ARHGEF10L: variants seen among roughly 807,000 people sequenced by gnomAD.
The protein encoded by ARHGEF10L is rho guanine nucleotide exchange factor 10-like protein.
ARHGEF10L carries 69 observed loss-of-function variants against 141.2 expected under a neutral mutation model. The ratio of observed to expected loss-of-function variants is 0.49; its 90% CI spans 0.40 to 0.60. The LOEUF is 0.60. Among genes scored for constraint, ARHGEF10L ranks in the 20% least tolerant of loss-of-function variants. ARHGEF10L has a pLI of 0.00. For synonymous variants in ARHGEF10L, 711 were observed against 718.5 expected, an observed-to-expected ratio of 0.99 and a Z score of 0.17; for missense variants, 1,482 against 1,734.3, an observed-to-expected ratio of 0.85 and a Z score of 2.58.
intron 18 of ARHGEF10L, among the ~76,000 whole-genome samples, chr1:17,636,614 G>T (rs2061017205): frequency 1.3e-5 from 2 of 152,016 alleles, no homozygotes; most frequent in Admixed American, 1.3e-4. Context: ...CCCCAGTTTG[G>T]GTCACTGCAG....
At chr1:17,525,755 C>A in the ARHGEF10L span, among the ~76,000 whole-genome samples, 1 of 151,856 alleles carries the variant, frequency 6.6e-6, no homozygotes, top group African/African-American at 2.4e-5. Flanking sequence ...GTAATCCCAG[C>A]ACTTTGGGGG....
In ARHGEF10L at chr1:17,587,490, C is replaced by T. The variant is rs111491402; in HGVS notation, c.68C>T (p.Pro23Leu). The T allele has an allele frequency of 1.2e-5, 20 of 1,614,078 alleles. 1 individual carries two copies. The highest frequency in any genetic ancestry group is 1.6e-4 in the Middle Eastern group (1 of 6,062). The change falls in exon 3 of 29, where the codon CCC becomes CTC. Residue 23 changes from proline (P) to leucine (L), a missense_variant. Physicochemically the swap from Pro to Leu is moderately conservative, Grantham distance 98 (BLOSUM62 -3). Coordinates refer to ENST00000361221, the MANE Select transcript of ARHGEF10L (RefSeq NM_018125.4). ...GDQLVPGVPG[P>L]SSEAEDDPGE... ...CAGCTGGTTCCAGGAGTCCCAGGCC[C>T]CTCCTCTGAGGCAGAGGACGACCCA... is the stretch of plus-strand genomic sequence containing the variant.
Position 17,607,720 on chromosome 1 carries a change from G to T in ARHGEF10L, c.434-82G>T, listed in dbSNP as rs953850987. ...CCTGACCCCCCCTCGCCCCACCTGG[G>T]TTCAGAAATTGGGTCTGAGGCTGGA... On this transcript the variant is annotated intron_variant, in intron 6 of 28. Coordinates refer to ENST00000361221, the MANE Select transcript of ARHGEF10L (RefSeq NM_018125.4). This position sits in a 1 kb window ranked among gnomAD's most constrained non-coding sequence, Gnocchi z 4.5. 7.3e-7 allele frequency: 1 copy of T among 1,364,818 alleles called. No individual in the cohort carries two copies. The highest frequency in any genetic ancestry group is 9.5e-7 in the Non-Finnish European group (1 of 1,052,492). 84.5% of individuals were successfully genotyped at this position (1,364,818 alleles called of 1,614,324 possible).
rs2079122722 is a variant in ARHGEF10L, at chr1:17,587,506, G to A, written c.84G>A (p.Glu28=). The part of the protein sequence containing the change: ...PGVPGPSSEA[E]DDPGEAFEFD... ...TCCCAGGCCCCTCCTCTGAGGCAGA[G>A]GACGACCCAGGAGAGGCGTTTGAGT... Residue 28 remains glutamate, a synonymous_variant, in exon 3 of 29, where the codon GAG becomes GAA. Coordinates refer to ENST00000361221, the MANE Select transcript of ARHGEF10L (RefSeq NM_018125.4). 5.0e-6 allele frequency: 8 copies of A among 1,614,166 alleles called. No individual in the cohort carries two copies. The highest frequency in any genetic ancestry group is 5.9e-6 in the Non-Finnish European group (7 of 1,180,006).
At chr1:17,618,384 A>C in intron 9 of ARHGEF10L, 1 of 1,542,944 alleles carries the variant, frequency 6.5e-7, no homozygotes, top group Non-Finnish European at 8.7e-7. Flanking sequence ...GGGGAAGAGG[A>C]AGCTGCGAGG....
At chr1:17,548,745 T>A (rs963322544) in intron 1 of ARHGEF10L, among the ~76,000 whole-genome samples, 1 of 146,892 alleles carries the variant, frequency 6.8e-6, no homozygotes, top group Non-Finnish European at 1.5e-5. Flanking sequence ...GCCTCCTGGG[T>A]TCAAGCAATT....
chr1:17,569,229 A>T (rs2077889928), intron 1 of ARHGEF10L, among the ~76,000 whole-genome samples: 1 of 146,800 alleles, frequency 6.8e-6, no homozygotes, highest in African/African-American at 2.7e-5. Flanking sequence ...GGCCTGGAGC[A>T]GTGCTCAGAG....
chr1:17,518,939 G>T, the ARHGEF10L span, among the ~76,000 whole-genome samples: 1 of 152,142 alleles, frequency 6.6e-6, no homozygotes, highest in South Asian at 2.1e-4. Context: ...GGAGGCCGAG[G>T]TGGGTGGATC....
At chr1:17,664,379 G>T in intron 25 of ARHGEF10L, 68 bp from the exon 26 acceptor site, 1 of 1,536,870 alleles carries the variant, frequency 6.5e-7, no homozygotes, top group Non-Finnish European at 8.7e-7. Flanking sequence ...CCCTGCTGCT[G>T]GCCTGCGTTC....
intron 7 of ARHGEF10L, among the ~76,000 whole-genome samples, chr1:17,609,896 C>G (rs1287198326): frequency 6.6e-6 from 1 of 152,008 alleles, no homozygotes; most frequent in Middle Eastern, 3.2e-3. Flanking sequence ...TATGAAGCCC[C>G]CACTCCCCCC....
chr1:17,552,443 G>A (rs891053540), intron 1 of ARHGEF10L, among the ~76,000 whole-genome samples: 4 of 151,514 alleles, frequency 2.6e-5, no homozygotes, highest in African/African-American at 7.3e-5. Context: ...TGTGTCACCC[G>A]GCTGCAGTGC....
intron 1 of ARHGEF10L, among the ~76,000 whole-genome samples, chr1:17,575,659 T>C (rs577369960): frequency 6.6e-6 from 1 of 151,910 alleles, no homozygotes; most frequent in South Asian, 2.1e-4. Context: ...CTGACAGTGA[T>C]GGGGAAGGGT....
intron 8 of ARHGEF10L, among the ~76,000 whole-genome samples, chr1:17,614,417 G>A (rs1026593432): frequency 4.6e-5 from 7 of 152,190 alleles, no homozygotes; most frequent in African/African-American, 1.4e-4. Context: ...AGGTGTACTC[G>A]GGGACACCTT....
At chr1:17,629,191 ATT>A (rs78642950) in intron 15 of ARHGEF10L, among the ~76,000 whole-genome samples, 47 of 141,152 alleles carry the variant, frequency 3.3e-4, no homozygotes, top group African/African-American at 9.4e-4. Flanking sequence ...CAGCTAATTA[ATT>A]TTTTTTTTTT....
rs1236522170 is a variant in ARHGEF10L at position 17,656,150 on chromosome 1, C to G, written c.2705+48C>G. 1 of 1,534,660 alleles carries G rather than the reference C, an allele frequency of 6.5e-7. No individual in the cohort carries two copies. On this transcript the variant is annotated intron_variant, in intron 24 of 28. Transcript: ENST00000361221. The surrounding 1 kb of genome is among the most constrained non-coding windows in gnomAD (Gnocchi z 4.9). ...TGAGAGCAGCCTCTGCAGGGCTGGG[C>G]AGTGGGTGGGGGCTGTCCCTGTAGC...
chr1:17,525,868 T>A, the ARHGEF10L span, among the ~76,000 whole-genome samples: 1 of 151,174 alleles, frequency 6.6e-6, no homozygotes, highest in African/African-American at 2.4e-5. Flanking sequence ...CCAGGTGTGG[T>A]GGCGTGCGCC....
At chr1:17,577,566 G>T (rs961223170) in intron 1 of ARHGEF10L, among the ~76,000 whole-genome samples, 3 of 152,228 alleles carry the variant, frequency 2.0e-5, no homozygotes, top group Non-Finnish European at 2.9e-5. Context: ...AACAGCCTGT[G>T]TGTGCAAAAT....
At chr1:17,518,822 A>AT in the ARHGEF10L span, among the ~76,000 whole-genome samples, 1 of 78,696 alleles carries the variant, frequency 1.3e-5, no homozygotes. Flanking sequence ...AAAAAAAAAA[A>AT]AAAGAAAGAA....
the ARHGEF10L span, among the ~76,000 whole-genome samples, chr1:17,517,102 T>C: frequency 6.6e-6 from 1 of 152,168 alleles, no homozygotes; most frequent in African/African-American, 2.4e-5. Flanking sequence ...TCTCCCGTGC[T>C]CCAGGACTTT....
Sources: allele counts gnomAD v4.1 joint callset (sites outside exome capture counted in the v4.1 genomes callset), GRCh38; gene constraint gnomAD v4.1.1; non-coding constraint Gnocchi (gnomAD v3.1); transcripts MANE v1.5; gene names NCBI Gene and HGNC (gene_info 2026-07-23, HGNC 2026-07-21).